Variants in MICAL2 observed in about 807,000 individuals in gnomAD.
MICAL2 encodes [F-actin]-monooxygenase MICAL2.
A neutral mutation model predicts 127.3 loss-of-function variants in MICAL2; 77 were observed. The ratio of observed to expected loss-of-function variants is 0.60; its 90% CI spans 0.50 to 0.73. MICAL2 has a LOEUF of 0.73. MICAL2 is among the 30% of genes least tolerant of loss of function. MICAL2 has a pLI of 0.00. For synonymous variants in MICAL2, 570 were observed against 551.1 expected, an observed-to-expected ratio of 1.03 and a Z score of -0.48; for missense variants, 1,351 against 1,434.4, an observed-to-expected ratio of 0.94 and a Z score of 0.94.
intron 3 of MICAL2, among the ~76,000 whole-genome samples, chr11:12,167,597 T>G (rs1376149139): frequency 6.6e-6 from 1 of 152,206 alleles, no homozygotes; most frequent in Non-Finnish European, 1.5e-5. Context: ...CAAGGGCCAC[T>G]TTGCCTGATA....
intron 22 of MICAL2, chr11:12,254,824 C>CTTTT (rs1049409398): frequency 6.7e-6 from 1 of 150,326 alleles, no homozygotes; most frequent in Non-Finnish European, 1.5e-5. Flanking sequence ...CCACCCAGGA[C>CTTTT]TAAAAGGCTT....
At chr11:12,147,101 T>C (rs1045889386) in intron 2 of MICAL2, among the ~76,000 whole-genome samples, 1 of 151,924 alleles carries the variant, frequency 6.6e-6, no homozygotes, top group African/African-American at 2.4e-5. Context: ...AGGAGATATA[T>C]CTAATGCAAA....
chr11:12,349,913 G>A lies in MICAL2; in HGVS notation c.5591G>A (p.Arg1864Gln), dbSNP rs201948751. Reference sequence around the variant, plus strand: ...GTTCTGGAGAAGAATAAATTAATGCGATATGAGTCGGAGCTCCTAATCATG... The same window carrying A: ...GTTCTGGAGAAGAATAAATTAATGCAATATGAGTCGGAGCTCCTAATCATG... The change falls in exon 33 of 35, where the codon CGA becomes CAA. Residue 1864 changes from arginine to glutamine, a missense_variant. Physicochemically the swap from Arg to Gln is conservative, Grantham distance 43. Coordinates refer to the MICAL2 transcript ENST00000646065. 4.3e-6 allele frequency: 7 copies of A among 1,614,026 alleles called. No individual in the cohort carries two copies. The highest frequency in any genetic ancestry group is 2.7e-5 in the African/African-American group (2 of 75,046).
intron 2 of MICAL2, among the ~76,000 whole-genome samples, chr11:12,152,395 G>T (rs1427626535): frequency 6.7e-6 from 1 of 150,370 alleles, no homozygotes; most frequent in African/African-American, 2.4e-5. Context: ...TAGTGCTTGT[G>T]TGCCTGTGGC....
chr11:12,273,761 G>A (rs772796488), upstream of MICAL2, among the ~76,000 whole-genome samples: 8 of 152,106 alleles, frequency 5.3e-5, no homozygotes, highest in Non-Finnish European at 8.8e-5. Context: ...TAGCTGAGAC[G>A]GCCAGCCACA....
intron 23 of MICAL2, chr11:12,256,187 A>T: frequency 6.1e-6 from 1 of 164,272 alleles, no homozygotes; most frequent in Admixed American, 5.9e-5. Flanking sequence ...ATCACCAGGA[A>T]TTTTAGTTGA....
At chr11:12,147,434 A>G (rs1371381152) in intron 2 of MICAL2, among the ~76,000 whole-genome samples, 4 of 152,238 alleles carry the variant, frequency 2.6e-5, no homozygotes, top group African/African-American at 7.2e-5. Context: ...AATTAGCTAC[A>G]AAATACCATA....
At chr11:12,177,974 A>G (rs1201119559) in intron 3 of MICAL2, among the ~76,000 whole-genome samples, 1 of 152,248 alleles carries the variant, frequency 6.6e-6, no homozygotes, top group Non-Finnish European at 1.5e-5. Flanking sequence ...CTCCAGGGTG[A>G]TAAGAGTGTC....
intron 1 of MICAL2, among the ~76,000 whole-genome samples, chr11:12,278,958 G>A (rs867735553): frequency 4.8e-4 from 73 of 152,330 alleles, no homozygotes; most frequent in African/African-American, 1.7e-3. Flanking sequence ...CTGGGAGGCA[G>A]GGCTGGAGAT....
upstream of MICAL2, among the ~76,000 whole-genome samples, chr11:12,273,185 A>G (rs184783144): frequency 4.1e-4 from 63 of 152,320 alleles, no homozygotes; most frequent in African/African-American, 1.5e-3. Context: ...CTGGTGTCGT[A>G]ACCTCTCTGT....
At chr11:12,219,039 C>G (rs1160244725) in intron 8 of MICAL2, among the ~76,000 whole-genome samples, 1 of 152,162 alleles carries the variant, frequency 6.6e-6, no homozygotes, top group Non-Finnish European at 1.5e-5. Flanking sequence ...TTGATATTCC[C>G]TTTTTACAGA....
At chr11:12,150,885 T>A (rs2133716556) in intron 2 of MICAL2, among the ~76,000 whole-genome samples, 1 of 152,308 alleles carries the variant, frequency 6.6e-6, no homozygotes, top group Admixed American at 6.5e-5. Flanking sequence ...TGCCTCGGTT[T>A]GGTTTGGGCT....
chr11:12,171,914 TGTA>T (rs1353386435), intron 3 of MICAL2, among the ~76,000 whole-genome samples: 1 of 152,214 alleles, frequency 6.6e-6, no homozygotes, highest in Non-Finnish European at 1.5e-5. Flanking sequence ...TATTTCAACA[TGTA>T]GTAAATATAA....
At chr11:12,260,151 C>A in intron 26 of MICAL2, 1 of 1,526,074 alleles carries the variant, frequency 6.6e-7, no homozygotes, top group South Asian at 1.2e-5. Context: ...TGCTCAGGTG[C>A]TTCCCAGTCA....
Position 12,154,475 on chromosome 11 carries a change from T to C in MICAL2, c.-77-7604T>C, listed in dbSNP as rs181105472. 1.7e-3 allele frequency among the ~76,000 whole-genome samples: 264 copies of C among 152,300 alleles called. 2 individuals carry two copies. The highest frequency in any genetic ancestry group is 8.8e-4 in the Non-Finnish European group (60 of 68,022). On this transcript the variant is annotated intron_variant, in intron 2 of 27. Transcript: ENST00000683283. ...TCATGCATGTTCCTGGTAGAAACTT[T>C]GGGAAATACAGAAAAGTATAGAGTA...
intron 29 of MICAL2, among the ~76,000 whole-genome samples, chr11:12,297,427 C>CT (rs1332079642): frequency 5.9e-5 from 9 of 152,000 alleles, no homozygotes; most frequent in African/African-American, 2.2e-4. Context: ...AAATTTAACC[C>CT]TTTTTTGTAA....
chr11:12,154,903 G>T (rs1722858645), intron 2 of MICAL2, among the ~76,000 whole-genome samples: 1 of 152,178 alleles, frequency 6.6e-6, no homozygotes. Flanking sequence ...CTGGGGCTAA[G>T]AGCATGGATT....
At chr11:12,185,500 C>T (rs958175624) in intron 3 of MICAL2, among the ~76,000 whole-genome samples, 3 of 152,130 alleles carry the variant, frequency 2.0e-5, no homozygotes, top group African/African-American at 7.2e-5. Context: ...ATCTACCCAT[C>T]TCAAAGCCGT....
intron 2 of MICAL2, among the ~76,000 whole-genome samples, chr11:12,148,556 G>T (rs888141342): frequency 6.6e-6 from 1 of 151,994 alleles, no homozygotes; most frequent in Admixed American, 6.5e-5. Flanking sequence ...GAAGTGGCAG[G>T]GTTGTTGACA....
Sources: allele counts gnomAD v4.1 joint callset (sites outside exome capture counted in the v4.1 genomes callset), GRCh38; gene constraint gnomAD v4.1.1; transcripts MANE v1.5; gene names NCBI Gene and HGNC (gene_info 2026-07-23, HGNC 2026-07-21).